CYP4F11: variants seen among roughly 807,000 people sequenced by gnomAD.
The protein encoded by CYP4F11 is cytochrome P450 family 4 subfamily F member 11.
CYP4F11 carries 79 observed loss-of-function variants against 62.2 expected under a neutral mutation model. The ratio of observed to expected loss-of-function variants is 1.27; its 90% CI spans 1.06 to 1.53. The LOEUF is 1.53. CYP4F11 is among the 40% of genes most tolerant of loss of function. CYP4F11 has a pLI of 0.00. For missense variants in CYP4F11, 777 were observed against 680.5 expected (o/e 1.14, Z -1.58); for synonymous variants, 290 against 263.7 (o/e 1.10, Z -0.97).
intron 8 of CYP4F11, 45 bp downstream of exon 8, chr19:15,921,992 G>C (rs2089632824): frequency 1.3e-6 from 2 of 1,529,864 alleles, no homozygotes; most frequent in Admixed American, 2.1e-5. Flanking sequence ...CTGAGGAGCA[G>C]AACCAATGAC....
At chr19:15,930,788 T>C (rs562047151) in intron 1 of CYP4F11, among the ~76,000 whole-genome samples, 83 of 152,252 alleles carry the variant, frequency 5.5e-4, no homozygotes, top group Non-Finnish European at 9.3e-4. Context: ...GGCTGGTTCC[T>C]ACATCCCTTT....
intron 8 of CYP4F11, among the ~76,000 whole-genome samples, chr19:15,917,000 T>C (rs957689283): frequency 3.3e-5 from 5 of 152,142 alleles, no homozygotes; most frequent in Non-Finnish European, 5.9e-5. Context: ...CAATTCACAA[T>C]TGCAGGGATA....
rs1452905764 is a variant in CYP4F11, at chr19:15,934,233, C to T, written c.176G>A (p.Trp59Ter). 6.2e-7 allele frequency: 1 copy of T among 1,613,670 alleles called. No homozygotes were observed. Among genetic ancestry groups the T allele is most frequent in the South Asian group, 1.1e-5 (1 of 91,066 alleles). ...CACCAGGCCCTGGTGTCCCCAAAAC[C>T]AGTTCTGTTTCGGGGGTTGAGGAAA... ...QCFPQPPKQN[W>*]FWGHQGLVTP... Residue 59 changes from tryptophan to a stop codon, truncating the protein, a stop_gained, in exon 1 of 12, where the codon TGG becomes TAG. Coordinates refer to ENST00000402119, the MANE Select transcript of CYP4F11 (RefSeq NM_021187.4). LOFTEE classifies it high-confidence loss of function.
In CYP4F11 at chr19:15,922,415, C is replaced by T; in HGVS notation, c.934G>A (p.Glu312Lys). Residue 312 changes from glutamate (E) to lysine (K), a missense_variant, in exon 7 of 12, where the codon GAA becomes AAA. Glu to Lys is a moderately conservative substitution (Grantham distance 56, BLOSUM62 1). Coordinates refer to ENST00000402119, the MANE Select transcript of CYP4F11 (RefSeq NM_021187.4). ...LLLSKDEDGK[E>K]LSDEDIRAEA... ...GCTCTTATGTCCTCATCAGACAATT[C>T]CTTCCCATCTTCATCCTGGAGAGAA... 1.9e-6 allele frequency: 3 copies of T among 1,614,170 alleles called. No homozygotes were observed. Among genetic ancestry groups the T allele is most frequent in the South Asian group, 1.1e-5 (1 of 91,080 alleles).
Position 15,912,653 on chromosome 19 carries a change from C to A in CYP4F11, c.*1079G>T, listed in dbSNP as rs2089538900. On this transcript the variant is annotated 3_prime_UTR_variant, in exon 12 of 12. Transcript: ENST00000402119. ...CCTACCACCTCACACAGTCAGGTAC[C>A]TTCACCATCCTCAGGAAAAAAAAAA... 1 of 121,812 alleles carries A rather than the reference C, an allele frequency of 8.2e-6. No individual in the cohort carries two copies. Among genetic ancestry groups the A allele is most frequent in the Non-Finnish European group, 1.7e-5 (1 of 58,778 alleles). 7.5% of individuals were successfully genotyped at this position (121,812 alleles called of 1,614,324 possible).
Position 15,924,755 on chromosome 19 carries a change from A to T in CYP4F11, c.647+6T>A. ...CCAAGTTCTCAGGTCCTAGGAAAGG[A>T]CTCACTCCTGACAATTGCTTTCAAA... is the stretch of plus-strand genomic sequence containing the variant. On this transcript the variant is annotated splice_donor_region_variant and intron_variant, in intron 5 of 11. Coordinates refer to ENST00000402119, the MANE Select transcript of CYP4F11 (RefSeq NM_021187.4). 1 of 1,608,344 alleles carries T rather than the reference A, an allele frequency of 6.2e-7. No homozygotes were observed. Among genetic ancestry groups the T allele is most frequent in the Non-Finnish European group, 8.5e-7 (1 of 1,176,464 alleles).
intron 11 of CYP4F11, 44 bp from the exon 12 acceptor site, chr19:15,913,953 A>G (rs762829270): frequency 2.5e-6 from 4 of 1,578,834 alleles, no homozygotes; most frequent in Admixed American, 1.7e-5. Context: ...CATGACCCCC[A>G]TCCCGGCCCC....
intron 8 of CYP4F11, among the ~76,000 whole-genome samples, chr19:15,917,087 C>T (rs1272146550): frequency 3.3e-5 from 5 of 152,176 alleles, no homozygotes; most frequent in South Asian, 4.1e-4. Context: ...GAATACTACT[C>T]AGCCATTAAA....
chr19:15,914,085 G>A (rs551822724), intron 11 of CYP4F11, among the ~76,000 whole-genome samples, 176 bp from the exon 12 acceptor site: 2 of 152,206 alleles, frequency 1.3e-5, no homozygotes, highest in East Asian at 3.9e-4. Flanking sequence ...ACCTGGCCCA[G>A]GCTCCTACCC....
chr19:15,927,103 AG>A, intron 4 of CYP4F11, 108 bp downstream of exon 4: 2 of 1,282,824 alleles, frequency 1.6e-6, no homozygotes. Context: ...ACCAAGGCTC[AG>A]AGAGGAAGAG....
intron 4 of CYP4F11, among the ~76,000 whole-genome samples, chr19:15,927,002 C>T (rs1471764542): frequency 6.6e-6 from 1 of 152,202 alleles, no homozygotes; most frequent in Non-Finnish European, 1.5e-5. Flanking sequence ...CATGGAAACT[C>T]ACACCTTTTG....
chr19:15,922,294 G>C, intron 7 of CYP4F11, 70 bp downstream of exon 7: 1 of 1,607,838 alleles, frequency 6.2e-7, no homozygotes, highest in Non-Finnish European at 8.5e-7. Flanking sequence ...AGTGATCCAG[G>C]GTCCACCCAC....
At chr19:15,931,092 A>G (rs80012584) in intron 1 of CYP4F11, among the ~76,000 whole-genome samples, 12,046 of 149,486 alleles carry the variant, frequency 0.081, 614 homozygotes, top group African/African-American at 0.11. Context: ...AAGAGAAGGG[A>G]GTGGCCAACT....
At chr19:15,931,561 C>T (rs11491239) in intron 1 of CYP4F11, among the ~76,000 whole-genome samples, 29,733 of 60,554 alleles carry the variant, frequency 0.49, 5,981 homozygotes, top group Admixed American at 0.54. Context: ...AATGAGTGAG[C>T]GAGGAGAGGA....
chr19:15,924,841 C>T lies in CYP4F11; in HGVS notation c.567G>A (p.Leu189=), dbSNP rs772628834. The T allele has an allele frequency of 6.2e-7, 1 of 1,612,954 alleles. No homozygotes were observed. Among genetic ancestry groups the T allele is most frequent in the Admixed American group, 1.7e-5 (1 of 59,978 alleles). ...TGAGGCTGATGTGTTCAAACATGTC[C>T]AGTCTGGCGCTGCCCTCTGAGGCCA... ...QRLASEGSAR[L]DMFEHISLMT... is the part of the protein sequence containing the mutation. Residue 189 remains leucine (L), a synonymous_variant, in exon 5 of 12, where the codon CTG becomes CTA. Transcript: ENST00000402119.
chr19:15,922,201 C>A (rs769122419), intron 7 of CYP4F11, 35 bp from the exon 8 acceptor site: 3 of 1,601,912 alleles, frequency 1.9e-6, no homozygotes, highest in Non-Finnish European at 2.6e-6. Flanking sequence ...GGTTTCTGGG[C>A]TGCTTCAGCA....
At chr19:15,927,613 G>A (rs1292205947) in intron 2 of CYP4F11, 130 bp from the exon 3 acceptor site, 6 of 1,260,006 alleles carry the variant, frequency 4.8e-6, no homozygotes, top group South Asian at 1.3e-5. Context: ...AGAAGGCCAA[G>A]GGTAGAGGAA....
At chr19:15,914,990 C>A in intron 8 of CYP4F11, 95 bp from the exon 9 acceptor site, 3 of 1,518,264 alleles carry the variant, frequency 2.0e-6, no homozygotes, top group South Asian at 1.3e-5. Context: ...CTCCCTATCA[C>A]AAAATAAATT....
chr19:15,925,291 G>T (rs2089660432), intron 4 of CYP4F11, among the ~76,000 whole-genome samples: 1 of 152,036 alleles, frequency 6.6e-6, no homozygotes, highest in Non-Finnish European at 1.5e-5. Context: ...AATCTCTCTG[G>T]ACCTCAGTTT....
Sources: allele counts gnomAD v4.1 joint callset (sites outside exome capture counted in the v4.1 genomes callset), GRCh38; gene constraint gnomAD v4.1.1; transcripts MANE v1.5; gene names NCBI Gene and HGNC (gene_info 2026-07-23, HGNC 2026-07-21).